ZNF318: variants seen among roughly 807,000 people sequenced by gnomAD.
ZNF318 encodes the protein zinc finger protein 318.
ZNF318 carries 51 observed loss-of-function variants against 124.2 expected under a neutral mutation model. That is an observed-to-expected ratio of 0.41 (90% CI 0.33 to 0.52). ZNF318 has a LOEUF of 0.52. Ranked by LOEUF, ZNF318 falls within the 20% of genes least tolerant of loss-of-function variation. ZNF318 has a pLI of 0.23. For synonymous variants in ZNF318, 1,090 were observed against 1,040.7 expected (o/e 1.05, Z -0.91); for missense variants, 2,815 against 2,811.2 (o/e 1.00, Z -0.03).
rs770284357 is a variant in ZNF318 at position 43,357,083 on chromosome 6, T to C, written c.1188+43A>G. 1.9e-6 allele frequency: 3 copies of C among 1,561,836 alleles called. No homozygotes were observed. The African/African-American group carries it at 4.1e-5, about 21-fold the overall frequency. ...GGAAAGTAAGCAGGCTTTAAGATAT[T>C]AGGGAGACTAGCAAGAGGCCCTACA... On this transcript the variant is annotated intron_variant, in intron 3 of 9. Transcript: ENST00000361428.
chr6:43,340,944 G>A lies in ZNF318; in HGVS notation c.3377-36C>T, dbSNP rs746691078. On this transcript the variant is annotated intron_variant, in intron 8 of 9. Coordinates refer to ENST00000361428, the MANE Select transcript of ZNF318 (RefSeq NM_014345.3). ...TAGAAAAAAGTCAAGGAAATAAGTC[G>A]ATTCCACCCAGAATGACAGCAACCA... The A allele has an allele frequency of 1.1e-5, 16 of 1,472,996 alleles. No individual in the cohort carries two copies. The South Asian group carries it at 1.2e-4, about 11-fold the overall frequency. 91.2% of individuals were successfully genotyped at this position (1,472,996 alleles called of 1,614,324 possible).
At chr6:43,368,518 T>TAGG (rs1320162990) in intron 1 of ZNF318, among the ~76,000 whole-genome samples, 1 of 152,184 alleles carries the variant, frequency 6.6e-6, no homozygotes. Context: ...TAAAGCCTGG[T>TAGG]AGGGTTCAAG....
chr6:43,368,298 T>A (rs1022450320), intron 1 of ZNF318, among the ~76,000 whole-genome samples: 1 of 152,174 alleles, frequency 6.6e-6, no homozygotes, highest in Non-Finnish European at 1.5e-5. Flanking sequence ...TCTGGGTTGG[T>A]TCCTCGGCTG....
intron 6 of ZNF318, among the ~76,000 whole-genome samples, chr6:43,344,557 T>C (rs1430084526): frequency 1.3e-5 from 2 of 152,234 alleles, no homozygotes; most frequent in Admixed American, 6.5e-5. Context: ...TAAATCGGCA[T>C]ACAGCGTTGA....
chr6:43,353,381 T>C (rs1279381535), intron 4 of ZNF318, among the ~76,000 whole-genome samples: 4 of 102,388 alleles, frequency 3.9e-5, no homozygotes, highest in African/African-American at 2.3e-4. Context: ...CAGAACTTTT[T>C]TTTTTTTTTT....
chr6:43,354,523 A>T (rs1779576169), intron 4 of ZNF318, 141 bp downstream of exon 4: 1 of 726,610 alleles, frequency 1.4e-6, no homozygotes, highest in East Asian at 2.6e-5. Flanking sequence ...AACAATATAC[A>T]CTTCTTAGGA....
chr6:43,354,731 G>A lies in ZNF318; in HGVS notation c.2603C>T (p.Pro868Leu). 6.2e-7 allele frequency: 1 copy of A among 1,614,064 alleles called. No homozygotes were observed. Among genetic ancestry groups the A allele is most frequent in the Non-Finnish European group, 8.5e-7 (1 of 1,180,008 alleles). The change falls in exon 4 of 10, where the codon CCA becomes CTA. Residue 868 changes from proline to leucine, a missense_variant. By Grantham distance (98) the Pro-to-Leu change is moderately conservative. This residue lies in a region of ZNF318 where 1,377 missense variants were observed against 1,353.5 expected (regional missense o/e 1.02). Coordinates refer to ENST00000361428, the MANE Select transcript of ZNF318 (RefSeq NM_014345.3). The part of the protein sequence containing the change: ...AAQVPVQVSI[P>L]SLIRYNPEKI... ...CTCTGGATTATATCTTATGAGTGATGGAATGGACACCTGGACAGGCACTTG... is the reference window on the plus strand; with the variant it reads ...CTCTGGATTATATCTTATGAGTGATAGAATGGACACCTGGACAGGCACTTG...
rs747544682 is a variant in ZNF318, at chr6:43,339,945, G to T, written c.4053C>A (p.Asn1351Lys). The T allele has an allele frequency of 6.2e-7, 1 of 1,614,192 alleles. No homozygotes were observed. The highest frequency in any genetic ancestry group is 1.7e-5 in the Admixed American group (1 of 60,024). Residue 1351 changes from asparagine to lysine, a missense_variant, in exon 10 of 10, where the codon AAC becomes AAA. Physicochemically the swap from Asn to Lys is moderately conservative, Grantham distance 94 (BLOSUM62 0). Around this residue, in one of 4 missense-constraint regions of ZNF318, gnomAD observed 500 missense variants for 605.2 expected, o/e 0.83. Transcript: ENST00000361428. This position sits in a 1 kb window ranked among gnomAD's most constrained non-coding sequence, Gnocchi z 4.2. Reference sequence around the variant, plus strand: ...GGAGTACTGTGGATGGAATAGGCAGGTTGGGTCGGATCTTAGTCTGTGTGG... The same window carrying T: ...GGAGTACTGTGGATGGAATAGGCAGTTTGGGTCGGATCTTAGTCTGTGTGG... The part of the protein sequence containing the change: ...TTSTQTKIRP[N>K]LPIPSTVLRK...
At position 43,356,145 on chromosome 6, in the gene ZNF318, G is replaced by C. The variant is rs1003324444; in HGVS notation, c.1189C>G (p.Leu397Val). 1 of 1,608,534 alleles carries C rather than the reference G, an allele frequency of 6.2e-7. No individual in the cohort carries two copies. Among genetic ancestry groups the C allele is most frequent in the Non-Finnish European group, 8.5e-7 (1 of 1,178,118 alleles). Residue 397 changes from leucine to valine, a missense_variant and splice_region_variant, in exon 4 of 10, where the codon CTT becomes GTT. Coordinates refer to ENST00000361428, the MANE Select transcript of ZNF318 (RefSeq NM_014345.3). The stretch of plus-strand genomic sequence containing the variant: ...CTGGTACTGCTGGAAAAACTCTCAA[G>C]CTGCAAAGACAAACACAACTGATTT... ...EVDIMEPSMQ[L>V]ESFSSSTSSS... is the part of the protein sequence containing the mutation.
intron 2 of ZNF318, among the ~76,000 whole-genome samples, chr6:43,360,597 T>TA (rs1779667697): frequency 6.6e-6 from 1 of 152,228 alleles, no homozygotes; most frequent in Non-Finnish European, 1.5e-5. Flanking sequence ...AACAAGTTTT[T>TA]AAAAAATGTA....
At chr6:43,342,974 G>T in intron 6 of ZNF318, 95 bp from the exon 7 acceptor site, 1 of 839,916 alleles carries the variant, frequency 1.2e-6, no homozygotes, top group Admixed American at 2.8e-5. Context: ...TAGAAATAGG[G>T]CCATATGACC....
intron 2 of ZNF318, among the ~76,000 whole-genome samples, chr6:43,360,452 A>G (rs2150756426): frequency 6.6e-6 from 1 of 152,330 alleles, no homozygotes. Flanking sequence ...ATACTCCCGG[A>G]AAGCCTTGGT....
chr6:43,342,818 T>C lies in ZNF318; in HGVS notation c.3134A>G (p.Gln1045Arg), dbSNP rs755668540. 1.9e-6 allele frequency: 3 copies of C among 1,614,144 alleles called. No individual in the cohort carries two copies. The highest frequency in any genetic ancestry group is 1.7e-6 in the Non-Finnish European group (2 of 1,179,996). ...TKSPKPAESPQSATKQLDQPT... is the reference protein window; with the variant it reads ...TKSPKPAESPRSATKQLDQPT... Reference sequence around the variant, plus strand: ...CTGATCCAACTGCTTAGTGGCTGACTGGGGGCTTTCGGCAGGCTTGGGGCT... The same window carrying C: ...CTGATCCAACTGCTTAGTGGCTGACCGGGGGCTTTCGGCAGGCTTGGGGCT... The change falls in exon 7 of 10, where the codon CAG becomes CGG. Residue 1045 changes from glutamine (Q) to arginine (R), a missense_variant. This residue lies in a region of ZNF318 where 500 missense variants were observed against 605.2 expected (regional missense o/e 0.83). Transcript: ENST00000361428.
chr6:43,348,953 G>C (rs776564922), intron 5 of ZNF318, among the ~76,000 whole-genome samples: 28 of 152,192 alleles, frequency 1.8e-4, no homozygotes, highest in Non-Finnish European at 3.8e-4. Context: ...AGAATTGCTT[G>C]AACTCAGGGG....
At chr6:43,366,365 G>A (rs985831175) in intron 1 of ZNF318, among the ~76,000 whole-genome samples, 2 of 152,182 alleles carry the variant, frequency 1.3e-5, no homozygotes, top group African/African-American at 4.8e-5. Flanking sequence ...AACAGTTATA[G>A]GAGGGTTTTA....
chr6:43,352,179 AT>A (rs1215406005), intron 5 of ZNF318, among the ~76,000 whole-genome samples, 197 bp downstream of exon 5: 2,850 of 60,284 alleles, frequency 0.047, 114 homozygotes, highest in African/African-American at 0.33. Context: ...CATCATCATC[AT>A]CATCACCACC....
chr6:43,365,501 A>T, intron 1 of ZNF318, 61 bp from the exon 2 acceptor site: 1 of 1,533,244 alleles, frequency 6.5e-7, no homozygotes. Flanking sequence ...ACATCCAAAA[A>T]CTCTCCTCCC....
At chr6:43,359,982 A>G (rs1779659710) in intron 2 of ZNF318, among the ~76,000 whole-genome samples, 1 of 152,206 alleles carries the variant, frequency 6.6e-6, no homozygotes, top group African/African-American at 2.4e-5. Context: ...TCCAGAGAGG[A>G]ATGTTCATGA....
intron 1 of ZNF318, chr6:43,368,743 C>G (rs1779793872): frequency 2.0e-6 from 2 of 985,368 alleles, no homozygotes; most frequent in African/African-American, 1.7e-5. Flanking sequence ...TCCTAAGGAA[C>G]GGAGCGCGCA....
Sources: allele counts gnomAD v4.1 joint callset (sites outside exome capture counted in the v4.1 genomes callset), GRCh38; gene constraint gnomAD v4.1.1; regional missense constraint gnomAD v4.1.1; non-coding constraint Gnocchi (gnomAD v3.1); transcripts MANE v1.5; gene names NCBI Gene and HGNC (gene_info 2026-07-23, HGNC 2026-07-21).